The following SGCZ variants were observed in gnomAD, a reference collection of about 807,000 sequenced individuals.
SGCZ encodes zeta-sarcoglycan.
SGCZ carries 40 observed loss-of-function variants against 41.3 expected under a neutral mutation model. The observed-to-expected ratio is 0.97, with a 90% CI of 0.75 to 1.26. SGCZ has a LOEUF of 1.26. Among genes scored for constraint, SGCZ ranks in the 50% most tolerant of loss-of-function variants. SGCZ has a pLI of 0.00. For synonymous variants in SGCZ, 206 were observed against 137.5 expected, an observed-to-expected ratio of 1.50 and a Z score of -3.49; for missense variants, 552 against 369.8, an observed-to-expected ratio of 1.49 and a Z score of -4.04.
rs566005943 is a variant in SGCZ at position 14,672,660 on chromosome 8, T to A, written c.40-117734A>T. Reference sequence around the variant, plus strand: ...AAAGCTTTTTGGAGGAAACAGTGTTTGAATGAAGACACTGGTTGTGCTCAG... The same window carrying A: ...AAAGCTTTTTGGAGGAAACAGTGTTAGAATGAAGACACTGGTTGTGCTCAG... On this transcript the variant is annotated intron_variant, in intron 1 of 7. Transcript: ENST00000382080. 1.7e-4 allele frequency among the ~76,000 whole-genome samples: 26 copies of A among 152,244 alleles called. No homozygotes were observed. The South Asian group carries it at 5.4e-3, about 32-fold the overall frequency.
intron 1 of SGCZ, among the ~76,000 whole-genome samples, chr8:14,693,122 G>T: frequency 6.6e-6 from 1 of 152,180 alleles, no homozygotes; most frequent in East Asian, 1.9e-4. Flanking sequence ...GATTAAGTAA[G>T]ATTAAGTAAA....
intron 3 of SGCZ, among the ~76,000 whole-genome samples, chr8:14,303,918 A>G (rs985361171): frequency 6.6e-6 from 1 of 151,740 alleles, no homozygotes; most frequent in Non-Finnish European, 1.5e-5. Context: ...AGCCCAGCTA[A>G]TTTTTCTATT....
chr8:15,176,389 A>C (rs1164237652), intron 1 of SGCZ, among the ~76,000 whole-genome samples: 1 of 152,178 alleles, frequency 6.6e-6, no homozygotes, highest in Admixed American at 6.5e-5. Context: ...AAGATAGTGC[A>C]TGTCTATAAA....
At chr8:15,054,987 A>G (rs1321539392) in intron 1 of SGCZ, among the ~76,000 whole-genome samples, 1 of 151,038 alleles carries the variant, frequency 6.6e-6, no homozygotes, top group Non-Finnish European at 1.5e-5. Flanking sequence ...ATAAGACTCC[A>G]TTTTGCAATG....
chr8:14,149,649 T>A, intron 5 of SGCZ, among the ~76,000 whole-genome samples: 1 of 62,172 alleles, frequency 1.6e-5, no homozygotes, highest in African/African-American at 5.8e-5. Flanking sequence ...AGTGACTTTC[T>A]TCATAGGAAA....
intron 2 of SGCZ, among the ~76,000 whole-genome samples, chr8:14,518,878 G>A (rs1408905015): frequency 1.7e-5 from 2 of 121,092 alleles, no homozygotes; most frequent in Non-Finnish European, 3.3e-5. Flanking sequence ...CCAACATGGC[G>A]AAACCCCATC....
At position 14,736,197 on chromosome 8, in the gene SGCZ, G is replaced by T. The variant is rs548909966; in HGVS notation, c.40-181271C>A. ...AATATATGAGCCATGTTTTGTAGAG[G>T]TTCATACAGTAAACCACCTTTTGTT... On this transcript the variant is annotated intron_variant, in intron 1 of 7. Coordinates refer to ENST00000382080, the MANE Select transcript of SGCZ (RefSeq NM_139167.4). Among the ~76,000 whole-genome samples the T allele has an allele frequency of 3.3e-5, 5 of 152,122 alleles. No homozygotes were observed. In the East Asian group the frequency reaches 9.7e-4, roughly 29 times the overall value.
At chr8:14,408,590 A>G (rs1408284995) in intron 2 of SGCZ, among the ~76,000 whole-genome samples, 1 of 152,166 alleles carries the variant, frequency 6.6e-6, no homozygotes, top group African/African-American at 2.4e-5. Context: ...CTGTTTCTAT[A>G]TAAATCAGTT....
chr8:14,829,648 T>C lies in SGCZ; in HGVS notation c.40-274722A>G, dbSNP rs1410839910. Reference sequence around the variant, plus strand: ...TGCACAAATTTTAAAATATATCAGCTACAATATACATTAGTCCGTTTCTTC... The same window carrying C: ...TGCACAAATTTTAAAATATATCAGCCACAATATACATTAGTCCGTTTCTTC... On this transcript the variant is annotated intron_variant, in intron 1 of 7. Coordinates refer to ENST00000382080, the MANE Select transcript of SGCZ (RefSeq NM_139167.4). 3.3e-5 allele frequency among the ~76,000 whole-genome samples: 5 copies of C among 152,016 alleles called. No individual in the cohort carries two copies. The East Asian group carries it at 9.7e-4, about 30-fold the overall frequency.
At chr8:14,419,179 T>C (rs919646808) in intron 2 of SGCZ, among the ~76,000 whole-genome samples, 19 of 151,928 alleles carry the variant, frequency 1.3e-4, no homozygotes, top group African/African-American at 4.6e-4. Context: ...ATCTAAAATT[T>C]ACCCTACTCA....
chr8:14,385,889 A>T (rs1804556605), intron 2 of SGCZ, among the ~76,000 whole-genome samples: 1 of 152,142 alleles, frequency 6.6e-6, no homozygotes, highest in Non-Finnish European at 1.5e-5. Flanking sequence ...TCAATCCTTT[A>T]TGTAAAATGG....
intron 2 of SGCZ, among the ~76,000 whole-genome samples, chr8:14,335,400 C>T (rs1043557184): frequency 6.6e-6 from 1 of 151,914 alleles, no homozygotes; most frequent in African/African-American, 2.4e-5. Context: ...ATTTTTTTTC[C>T]TAAAACATGA....
intron 1 of SGCZ, among the ~76,000 whole-genome samples, chr8:15,209,935 T>G (rs1295481545): frequency 6.6e-6 from 1 of 152,170 alleles, no homozygotes; most frequent in East Asian, 1.9e-4. Context: ...ACCAATTATA[T>G]TTTAGGAGAT....
At chr8:14,124,546 G>A (rs1270634029) in intron 5 of SGCZ, among the ~76,000 whole-genome samples, 1 of 152,122 alleles carries the variant, frequency 6.6e-6, no homozygotes, top group Non-Finnish European at 1.5e-5. Flanking sequence ...TAAAATTGCA[G>A]ATGAAGATTA....
At chr8:15,136,684 A>T (rs949966556) in intron 1 of SGCZ, among the ~76,000 whole-genome samples, 7 of 152,010 alleles carry the variant, frequency 4.6e-5, no homozygotes, top group Non-Finnish European at 1.0e-4. Flanking sequence ...CTCATTCTCC[A>T]TTTTGCCACC....
At chr8:14,764,412 T>C (rs1167117155) in intron 1 of SGCZ, among the ~76,000 whole-genome samples, 1 of 152,226 alleles carries the variant, frequency 6.6e-6, no homozygotes, top group Non-Finnish European at 1.5e-5. Flanking sequence ...GTGTTAATTA[T>C]GTGATCACAC....
intron 4 of SGCZ, among the ~76,000 whole-genome samples, chr8:14,214,504 T>G (rs1805924126): frequency 6.6e-6 from 1 of 152,130 alleles, no homozygotes; most frequent in Non-Finnish European, 1.5e-5. Context: ...TAGGAAAAAC[T>G]GGAACTTTCT....
Position 14,179,175 on chromosome 8 carries a change from A to G in SGCZ, c.425-14473T>C, listed in dbSNP as rs1171879279. Among the ~76,000 whole-genome samples the G allele has an allele frequency of 2.6e-5, 4 of 152,342 alleles. No homozygotes were observed. The South Asian group carries it at 8.3e-4, about 32-fold the overall frequency. On this transcript the variant is annotated intron_variant, in intron 4 of 7. Transcript: ENST00000382080. Reference sequence around the variant, plus strand: ...AGATACAAATTGTCAGGTCAGCCCAAAGCCCCCTTCTCAACAGTCCCATGT... The same window carrying G: ...AGATACAAATTGTCAGGTCAGCCCAGAGCCCCCTTCTCAACAGTCCCATGT...
At chr8:14,697,824 A>G (rs752341956) in intron 1 of SGCZ, among the ~76,000 whole-genome samples, 1 of 152,014 alleles carries the variant, frequency 6.6e-6, no homozygotes, top group Non-Finnish European at 1.5e-5. Flanking sequence ...CAGCAATACT[A>G]TTCCCTTAAT....
Sources: allele counts gnomAD v4.1 joint callset (sites outside exome capture counted in the v4.1 genomes callset), GRCh38; gene constraint gnomAD v4.1.1; transcripts MANE v1.5; gene names NCBI Gene and HGNC (gene_info 2026-07-23, HGNC 2026-07-21).